ZBTB44: variants seen among roughly 807,000 people sequenced by gnomAD.
ZBTB44 encodes the protein zinc finger and BTB domain-containing protein 44.
A neutral mutation model predicts 54.0 loss-of-function variants in ZBTB44; 15 were observed. The ratio of observed to expected loss-of-function variants is 0.28; its 90% CI spans 0.19 to 0.43. The LOEUF (loss-of-function observed/expected upper bound fraction) is 0.43. ZBTB44 is among the 20% of genes least tolerant of loss of function. The pLI, the probability that ZBTB44 is intolerant of heterozygous loss-of-function variation, is 1.00. For missense variants in ZBTB44, 487 were observed against 707.1 expected (o/e 0.69, Z 3.53); for synonymous variants, 230 against 250.1 (o/e 0.92, Z 0.76).
At chr11:130,268,660 C>G (rs978214747) in intron 1 of ZBTB44, among the ~76,000 whole-genome samples, 1 of 151,978 alleles carries the variant, frequency 6.6e-6, no homozygotes, top group African/African-American at 2.4e-5. Context: ...CTCACTGCAA[C>G]CTCCGCCTCC....
intron 1 of ZBTB44, among the ~76,000 whole-genome samples, chr11:130,305,803 A>G (rs1942233918): frequency 6.6e-6 from 1 of 152,214 alleles, no homozygotes; most frequent in Admixed American, 6.5e-5. Context: ...TCAGCAGAGT[A>G]AAGAGACAAC....
chr11:130,296,497 G>C (rs565519463), intron 1 of ZBTB44: 1 of 946,354 alleles, frequency 1.1e-6, no homozygotes, highest in Non-Finnish European at 1.6e-6. Flanking sequence ...GTACGGATGT[G>C]GTGGCAAGAG....
At position 130,261,348 on chromosome 11, in the gene ZBTB44, C is replaced by T; in HGVS notation, c.526G>A (p.Val176Ile). ...ECSVVERTIP[V>I]CRESRRKRKS... ...CGCTTTCTCCGGGATTCTCGGCAGA[C>T]AGGAATGGTTCTTTCTACCACACTG... The change falls in exon 2 of 8, where the codon GTC becomes ATC. Residue 176 changes from valine (V) to isoleucine (I), a missense_variant. By Grantham distance (29) the Val-to-Ile change is conservative. Transcript: ENST00000357899. This position sits in a 1 kb window ranked among gnomAD's most constrained non-coding sequence, Gnocchi z 4.8. The T allele has an allele frequency of 6.2e-7, 1 of 1,613,968 alleles. No homozygotes were observed. The highest frequency in any genetic ancestry group is 8.5e-7 in the Non-Finnish European group (1 of 1,179,894).
At chr11:130,255,220 T>C (rs1202458914) in intron 2 of ZBTB44, among the ~76,000 whole-genome samples, 1 of 152,064 alleles carries the variant, frequency 6.6e-6, no homozygotes, top group African/African-American at 2.4e-5. Context: ...ACTTAAAGTA[T>C]AGTAAATAAT....
chr11:130,294,887 T>G (rs898679297), intron 1 of ZBTB44, among the ~76,000 whole-genome samples: 4 of 152,204 alleles, frequency 2.6e-5, no homozygotes, highest in Admixed American at 2.0e-4. Flanking sequence ...TTCAAGTCAG[T>G]TTTAGTCAAC....
intron 1 of ZBTB44, chr11:130,295,623 C>A: frequency 1.2e-6 from 1 of 826,124 alleles, no homozygotes; most frequent in South Asian, 1.5e-5. Context: ...AATGAAAACT[C>A]TGAAGTTAAA....
rs1204670356 is a variant in ZBTB44, at chr11:130,295,610, G to C, written c.-57+18765C>G. On this transcript the variant is annotated intron_variant, in intron 1 of 7. Transcript: ENST00000357899. ...TTCATTTGCTTCTCTACATAATATT[G>C]TCAATGAAAACTCTGAAGTTAAAAA... 65 of 782,632 alleles carry C rather than the reference G, an allele frequency of 8.3e-5. No individual in the cohort carries two copies. The East Asian group carries it at 1.6e-3, about 19-fold the overall frequency. The allele number at this position is 782,632 out of a possible 1,614,324, so 48.5% of individuals were successfully genotyped here.
At position 130,295,881 on chromosome 11, in the gene ZBTB44, C is replaced by T. The variant is rs187031666; in HGVS notation, c.-57+18494G>A. The T allele has an allele frequency of 1.9e-4, 269 of 1,447,648 alleles. 2 individuals are homozygous for T. In the African/African-American group the frequency reaches 3.4e-3, roughly 18 times the overall value. The allele number at this position is 1,447,648 out of a possible 1,614,324, so 89.7% of individuals were successfully genotyped here. ...TTCTTAAGGAGCTAAAGACTCACCA[C>T]GTGCATACCTATGGGTTGATAATGG... On this transcript the variant is annotated intron_variant, in intron 1 of 7. Transcript: ENST00000357899.
At chr11:130,255,256 C>G (rs1262420444) in intron 2 of ZBTB44, among the ~76,000 whole-genome samples, 4 of 152,018 alleles carry the variant, frequency 2.6e-5, no homozygotes, top group Non-Finnish European at 5.9e-5. Flanking sequence ...GAAACTCATT[C>G]AAAACTGCAC....
At chr11:130,297,774 C>G (rs1056717870) in intron 1 of ZBTB44, among the ~76,000 whole-genome samples, 4 of 152,152 alleles carry the variant, frequency 2.6e-5, no homozygotes, top group Admixed American at 6.5e-5. Context: ...AACTATGAGA[C>G]AAAAATTTCT....
rs900791524 is a variant in ZBTB44, at chr11:130,244,683, A to G, written c.1019-4787T>C. Among the ~76,000 whole-genome samples the G allele has an allele frequency of 2.1e-3, 166 of 79,196 alleles. No homozygotes were observed. The East Asian group carries it at 0.046, about 22-fold the overall frequency. 52.0% of individuals were successfully genotyped at this position (79,196 alleles called of 152,430 possible). ...CTCTGTCTGGAAAAAAAAAAAAAAAAAAAGAAAGAAAATGTACTAACTGTA... is the reference window on the plus strand; with the variant it reads ...CTCTGTCTGGAAAAAAAAAAAAAAAGAAAGAAAGAAAATGTACTAACTGTA... On this transcript the variant is annotated intron_variant, in intron 2 of 7. Coordinates refer to ENST00000357899, the MANE Select transcript of ZBTB44 (RefSeq NM_001301098.2).
intron 1 of ZBTB44, among the ~76,000 whole-genome samples, chr11:130,269,000 A>G (rs1565665288): frequency 6.6e-6 from 1 of 151,942 alleles, no homozygotes; most frequent in South Asian, 2.1e-4. Flanking sequence ...TTTAAAAAAA[A>G]AAAAATCTCG....
At chr11:130,255,558 G>C (rs985735316) in intron 2 of ZBTB44, among the ~76,000 whole-genome samples, 7 of 152,000 alleles carry the variant, frequency 4.6e-5, no homozygotes, top group African/African-American at 1.7e-4. Context: ...TAAGAACAGA[G>C]CAGAACCGAA....
chr11:130,274,860 T>C (rs1939945287), intron 1 of ZBTB44, among the ~76,000 whole-genome samples: 1 of 152,314 alleles, frequency 6.6e-6, no homozygotes, highest in Middle Eastern at 3.4e-3. Context: ...TCAGGGTAAA[T>C]ACCAGCCACA....
intron 1 of ZBTB44, among the ~76,000 whole-genome samples, chr11:130,291,509 C>G (rs1471968849): frequency 5.3e-5 from 8 of 152,066 alleles, no homozygotes; most frequent in Non-Finnish European, 1.2e-4. Flanking sequence ...CTTAATGAAA[C>G]TAAAGATGAG....
Position 130,282,787 on chromosome 11 carries a change from T to C in ZBTB44, c.-56-20858A>G, listed in dbSNP as rs1372306162. On this transcript the variant is annotated intron_variant, in intron 1 of 7. Coordinates refer to ENST00000357899, the MANE Select transcript of ZBTB44 (RefSeq NM_001301098.2). ...TTGGCAATTATCACCTGTATTTTAT[T>C]TAGCCACGACACACGACAGCAGATG... Among the ~76,000 whole-genome samples the C allele has an allele frequency of 2.0e-5, 3 of 152,162 alleles. No homozygotes were observed. The South Asian group carries it at 6.2e-4, about 31-fold the overall frequency.
intron 1 of ZBTB44, among the ~76,000 whole-genome samples, chr11:130,283,339 C>T (rs2134288794): frequency 6.6e-6 from 1 of 152,150 alleles, no homozygotes; most frequent in East Asian, 1.9e-4. Flanking sequence ...AGCCACCGTG[C>T]CCGGCCCATT....
chr11:130,233,655 A>T, intron 6 of ZBTB44: 1 of 1,262,540 alleles, frequency 7.9e-7, no homozygotes, highest in Non-Finnish European at 1.0e-6. Flanking sequence ...CAAGAAGGTC[A>T]ATAATCATCT....
intron 2 of ZBTB44, among the ~76,000 whole-genome samples, chr11:130,244,437 G>A (rs572520175): frequency 1.3e-4 from 20 of 152,274 alleles, no homozygotes; most frequent in East Asian, 7.7e-4. Context: ...GGAGGCCGAC[G>A]TGGGTGGATC....
Sources: allele counts gnomAD v4.1 joint callset (sites outside exome capture counted in the v4.1 genomes callset), GRCh38; gene constraint gnomAD v4.1.1; non-coding constraint Gnocchi (gnomAD v3.1); transcripts MANE v1.5; gene names NCBI Gene and HGNC (gene_info 2026-07-23, HGNC 2026-07-21).